The following ARHGAP10 variants were observed in gnomAD, a reference collection of about 807,000 sequenced individuals.
ARHGAP10 encodes rho GTPase-activating protein 10.
A neutral mutation model predicts 108.6 loss-of-function variants in ARHGAP10; 87 were observed. The ratio of observed to expected loss-of-function variants is 0.80; its 90% confidence interval spans 0.67 to 0.96. The LOEUF (loss-of-function observed/expected upper bound fraction) is 0.96, where lower values mean the gene tolerates loss of function less well. ARHGAP10 is among the 40% of genes least tolerant of loss of function. The pLI, the probability that ARHGAP10 is intolerant of heterozygous loss-of-function variation, is 0.00. For missense variants in ARHGAP10, 939 were observed against 954.5 expected, an observed-to-expected ratio of 0.98 and a Z score of 0.21; for synonymous variants, 347 against 341.1, an observed-to-expected ratio of 1.02 and a Z score of -0.19.
chr4:147,770,045 T>C (rs1349431763), intron 1 of ARHGAP10, among the ~76,000 whole-genome samples: 1 of 152,240 alleles, frequency 6.6e-6, no homozygotes, highest in Non-Finnish European at 1.5e-5. Flanking sequence ...GCTGTCATCT[T>C]TGATCACATA....
At chr4:147,879,586 G>A (rs1268885270) in intron 9 of ARHGAP10, among the ~76,000 whole-genome samples, 1 of 151,578 alleles carries the variant, frequency 6.6e-6, no homozygotes, top group East Asian at 1.9e-4. Context: ...GGATACATGT[G>A]CACAACGTGC....
At chr4:147,924,413 G>T (rs1265844093) in intron 13 of ARHGAP10, among the ~76,000 whole-genome samples, 1 of 151,870 alleles carries the variant, frequency 6.6e-6, no homozygotes, top group Admixed American at 6.6e-5. Flanking sequence ...CCTCTTTAAC[G>T]CATCCACAGA....
intron 1 of ARHGAP10, among the ~76,000 whole-genome samples, chr4:147,812,608 T>C (rs1391352019): frequency 6.6e-6 from 1 of 152,172 alleles, no homozygotes; most frequent in African/African-American, 2.4e-5. Context: ...GCTTCTTTCT[T>C]CTCTTCTAAT....
chr4:147,741,814 A>G lies in ARHGAP10; in HGVS notation c.154+9359A>G, dbSNP rs976362107. ...CACGCACACACACACACACACACAC[A>G]CACACACACACACACCAGGCGCTTT... On this transcript the variant is annotated intron_variant, in intron 1 of 22. Coordinates refer to ENST00000336498, the MANE Select transcript of ARHGAP10 (RefSeq NM_024605.4). Among the ~76,000 whole-genome samples, 19 of 148,674 alleles carry G rather than the reference A, an allele frequency of 1.3e-4. No individual in the cohort carries two copies. In the South Asian group the frequency reaches 2.1e-3, roughly 16 times the overall value.
intron 1 of ARHGAP10, among the ~76,000 whole-genome samples, chr4:147,793,254 T>C (rs1731189908): frequency 6.6e-6 from 1 of 151,864 alleles, no homozygotes; most frequent in South Asian, 2.1e-4. Context: ...GTATGGTAGG[T>C]GTTTCAGTTC....
chr4:148,072,417 C>T lies in ARHGAP10; in HGVS notation c.*336C>T, dbSNP rs923636842. On this transcript the variant is annotated 3_prime_UTR_variant, in exon 23 of 23. Coordinates refer to ENST00000336498, the MANE Select transcript of ARHGAP10 (RefSeq NM_024605.4). ...CCTGTGTCGCCTCCACTGGCAGTCA[C>T]GCCACCAGAGCCACCCTGGCTCCCT... 7.5e-5 allele frequency: 20 copies of T among 266,918 alleles called. No homozygotes were observed. The highest frequency in any genetic ancestry group is 9.1e-5 in the Non-Finnish European group (13 of 142,526). The allele number at this position is 266,918 out of a possible 1,614,324, so 16.5% of individuals were successfully genotyped here. A position where few individuals can be genotyped will look rare whatever the true frequency, so the allele number is the denominator to read the frequency against.
chr4:147,832,926 C>G (rs115836638), intron 3 of ARHGAP10, among the ~76,000 whole-genome samples: 235 of 152,214 alleles, frequency 1.5e-3, no homozygotes, highest in Middle Eastern at 3.4e-3. Context: ...ACTGTAGCTC[C>G]TCAGTATTTC....
At chr4:147,746,551 C>T (rs918590675) in intron 1 of ARHGAP10, among the ~76,000 whole-genome samples, 8 of 149,856 alleles carry the variant, frequency 5.3e-5, no homozygotes, top group South Asian at 2.1e-4. Context: ...CACCACTCCC[C>T]GTTAATTTTT....
Position 147,873,890 on chromosome 4 carries a change from G to GGC in ARHGAP10, c.703-1130_703-1129insCG, listed in dbSNP as rs1553959043. On this transcript the variant is annotated intron_variant, in intron 7 of 22. Coordinates refer to ENST00000336498, the MANE Select transcript of ARHGAP10 (RefSeq NM_024605.4). ...ACCCTGTCTTTAAAAAAAAAAAAAAGGGGGGATAAGAAAACCTGGAGAAAT... is the reference window on the plus strand; with the variant it reads ...ACCCTGTCTTTAAAAAAAAAAAAAAGGCGGGGGATAAGAAAACCTGGAGAAAT... Among the ~76,000 whole-genome samples the GGC allele has an allele frequency of 5.8e-5, 8 of 138,532 alleles. No individual in the cohort carries two copies. The East Asian group carries it at 1.1e-3, about 20-fold the overall frequency. 90.9% of individuals were successfully genotyped at this position (138,532 alleles called of 152,430 possible).
At chr4:147,856,393 G>C (rs1346653241) in intron 4 of ARHGAP10, among the ~76,000 whole-genome samples, 1 of 152,188 alleles carries the variant, frequency 6.6e-6, no homozygotes, top group Non-Finnish European at 1.5e-5. Context: ...GTTTGGGAAA[G>C]TAGATGACAT....
At chr4:147,790,143 G>A (rs1014709561) in intron 1 of ARHGAP10, among the ~76,000 whole-genome samples, 23 of 151,894 alleles carry the variant, frequency 1.5e-4, no homozygotes, top group African/African-American at 5.3e-4. Flanking sequence ...TGGTATATTC[G>A]GTATCTGGTG....
intron 1 of ARHGAP10, among the ~76,000 whole-genome samples, chr4:147,768,048 G>T (rs753696161): frequency 1.3e-5 from 2 of 152,180 alleles, no homozygotes; most frequent in Non-Finnish European, 2.9e-5. Flanking sequence ...GGACTATTCC[G>T]GGATGACTTT....
intron 19 of ARHGAP10, 83 bp downstream of exon 19, chr4:148,023,496 C>T: frequency 1.5e-6 from 2 of 1,361,378 alleles, no homozygotes; most frequent in South Asian, 1.9e-5. Context: ...CCACAGTTTT[C>T]TGTCATCTGT....
intron 1 of ARHGAP10, among the ~76,000 whole-genome samples, chr4:147,764,414 T>A (rs1729710778): frequency 6.6e-6 from 1 of 151,970 alleles, no homozygotes; most frequent in Non-Finnish European, 1.5e-5. Context: ...GAAGTGCCTG[T>A]TCTGTGGGAG....
intron 18 of ARHGAP10, among the ~76,000 whole-genome samples, chr4:147,991,069 C>T (rs1016919330): frequency 6.7e-6 from 1 of 148,166 alleles, no homozygotes; most frequent in Non-Finnish European, 1.5e-5. Context: ...ACCTTGGTGA[C>T]AAAATAACCT....
chr4:147,754,138 G>T (rs1376089639), intron 1 of ARHGAP10, among the ~76,000 whole-genome samples: 1 of 152,112 alleles, frequency 6.6e-6, no homozygotes, highest in Non-Finnish European at 1.5e-5. Context: ...GTACCCATCT[G>T]GCTCCTGGAA....
Position 147,820,135 on chromosome 4 carries a change from C to T in ARHGAP10, c.155-2592C>T, listed in dbSNP as rs868178263. Among the ~76,000 whole-genome samples, 12 of 151,894 alleles carry T rather than the reference C, an allele frequency of 7.9e-5. 1 individual carries two copies. The highest frequency in any genetic ancestry group is 1.0e-4 in the Non-Finnish European group (7 of 67,984). ...TGAGCCATGGTGTTGGAGGAGTGGG[C>T]TAGTAAAGATGTAGCCTCAGGGAAT... is the stretch of plus-strand genomic sequence containing the variant. On this transcript the variant is annotated intron_variant, in intron 1 of 22. Coordinates refer to ENST00000336498, the MANE Select transcript of ARHGAP10 (RefSeq NM_024605.4).
chr4:147,996,992 C>T (rs961151368), intron 18 of ARHGAP10, among the ~76,000 whole-genome samples: 1 of 152,210 alleles, frequency 6.6e-6, no homozygotes, highest in Non-Finnish European at 1.5e-5. Context: ...GTTACCCTGT[C>T]TGTGGTATTC....
intron 20 of ARHGAP10, among the ~76,000 whole-genome samples, chr4:148,050,366 T>A (rs955411396): frequency 6.2e-5 from 2 of 32,182 alleles, no homozygotes; most frequent in East Asian, 1.4e-3. Context: ...CATCATCATC[T>A]TTTTTTTTTT....
Sources: allele counts gnomAD v4.1 joint callset (sites outside exome capture counted in the v4.1 genomes callset), GRCh38; gene constraint gnomAD v4.1.1; transcripts MANE v1.5; gene names NCBI Gene and HGNC (gene_info 2026-07-23, HGNC 2026-07-21).